The following DGKB variants were observed in gnomAD, a reference collection of about 807,000 sequenced individuals.
DGKB encodes the protein diacylglycerol kinase beta, also known as 90 kDa diacylglycerol kinase.
DGKB carries 67 observed loss-of-function variants against 114.3 expected under a neutral mutation model. That is an observed-to-expected ratio of 0.59 (90% CI 0.48 to 0.72). The LOEUF is 0.72. DGKB is among the 30% of genes least tolerant of loss of function. The pLI is 0.00. For missense variants in DGKB, 907 were observed against 975.2 expected (o/e 0.93, Z 0.93); for synonymous variants, 398 against 323.1 (o/e 1.23, Z -2.49).
At position 14,854,756 on chromosome 7, in the gene DGKB, A is replaced by C. The variant is rs565630831; in HGVS notation, c.-187-13306T>G. 2.0e-3 allele frequency among the ~76,000 whole-genome samples: 301 copies of C among 152,302 alleles called. 2 individuals are homozygous for C. In the South Asian group the frequency reaches 0.023, roughly 12 times the overall value. On this transcript the variant is annotated intron_variant, in intron 1 of 25. Coordinates refer to ENST00000402815, the MANE Select transcript of DGKB (RefSeq NM_001350709.2). ...CCCTGTAGTAGATGACTGAACTGAA[A>C]GAGGGGTTGTTAGTACGAGCTATGA... is the stretch of plus-strand genomic sequence containing the variant.
intron 23 of DGKB, among the ~76,000 whole-genome samples, chr7:14,185,313 G>T (rs1783240950): frequency 6.6e-6 from 1 of 151,970 alleles, no homozygotes; most frequent in African/African-American, 2.4e-5. Context: ...TAACCAAGGA[G>T]TCGAAAGACC....
chr7:14,730,792 T>C (rs1032790000), intron 5 of DGKB, among the ~76,000 whole-genome samples: 24 of 152,296 alleles, frequency 1.6e-4, no homozygotes, highest in Non-Finnish European at 2.9e-5. Context: ...CCAGCACCCA[T>C]GCCCTTCACT....
intron 1 of DGKB, among the ~76,000 whole-genome samples, chr7:14,965,614 A>C (rs73679599): frequency 0.019 from 2,916 of 152,206 alleles, 93 homozygotes; most frequent in African/African-American, 0.066. Flanking sequence ...TACTAATCTC[A>C]TATACATTCA....
Position 14,591,288 on chromosome 7 carries a change from T to C in DGKB, c.1434-8151A>G, listed in dbSNP as rs941778301. On this transcript the variant is annotated intron_variant, in intron 17 of 25. Transcript: ENST00000402815. Reference sequence around the variant, plus strand: ...CTTTTTACCTATCAGTTCCACAGTGTTCCATGTGAAGAATGAATAAGCATG... The same window carrying C: ...CTTTTTACCTATCAGTTCCACAGTGCTCCATGTGAAGAATGAATAAGCATG... Among the ~76,000 whole-genome samples, 10 of 152,184 alleles carry C rather than the reference T, an allele frequency of 6.6e-5. 1 individual carries two copies. Among genetic ancestry groups the C allele is most frequent in the Non-Finnish European group, 1.5e-5 (1 of 68,032 alleles).
chr7:14,771,948 C>A (rs1837482566), intron 2 of DGKB, among the ~76,000 whole-genome samples: 1 of 152,140 alleles, frequency 6.6e-6, no homozygotes, highest in African/African-American at 2.4e-5. Context: ...CTCCACAATT[C>A]TTTATCTTAA....
At chr7:14,768,477 A>T (rs894171089) in intron 2 of DGKB, among the ~76,000 whole-genome samples, 2 of 151,960 alleles carry the variant, frequency 1.3e-5, no homozygotes, top group East Asian at 3.9e-4. Flanking sequence ...TACTTACTAG[A>T]ACTTGCAGCC....
chr7:14,383,962 G>A (rs756184825), intron 21 of DGKB, among the ~76,000 whole-genome samples: 1 of 152,156 alleles, frequency 6.6e-6, no homozygotes, highest in Non-Finnish European at 1.5e-5. Context: ...CATGTAGTGT[G>A]CTTATGAGGA....
intron 19 of DGKB, among the ~76,000 whole-genome samples, chr7:14,577,889 C>A (rs1380897416): frequency 1.3e-5 from 2 of 152,164 alleles, no homozygotes; most frequent in African/African-American, 2.4e-5. Context: ...GAAGTACTTT[C>A]TTCTACAAAT....
At chr7:14,911,911 A>C (rs911565331) in intron 1 of DGKB, among the ~76,000 whole-genome samples, 2 of 152,234 alleles carry the variant, frequency 1.3e-5, no homozygotes, top group African/African-American at 4.8e-5. Flanking sequence ...TCAATAAAAC[A>C]GTATGCAGAT....
At chr7:14,810,314 C>A (rs1209233699) in intron 2 of DGKB, among the ~76,000 whole-genome samples, 1 of 152,108 alleles carries the variant, frequency 6.6e-6, no homozygotes, top group Non-Finnish European at 1.5e-5. Flanking sequence ...TTAATCTATA[C>A]CCAGACTGAT....
intron 23 of DGKB, among the ~76,000 whole-genome samples, chr7:14,265,692 T>C (rs527302224): frequency 2.0e-5 from 3 of 152,288 alleles, no homozygotes; most frequent in East Asian, 1.9e-4. Flanking sequence ...TCTCAGAATA[T>C]TGAAGGCAAG....
At chr7:14,601,307 A>C (rs1349051278) in intron 17 of DGKB, among the ~76,000 whole-genome samples, 1 of 151,946 alleles carries the variant, frequency 6.6e-6, no homozygotes, top group Non-Finnish European at 1.5e-5. Flanking sequence ...CCCTCTTTGA[A>C]GTCTTTCTGT....
At chr7:14,197,435 G>C (rs1349885898) in intron 23 of DGKB, among the ~76,000 whole-genome samples, 1 of 151,260 alleles carries the variant, frequency 6.6e-6, no homozygotes, top group Non-Finnish European at 1.5e-5. Context: ...TATCAAATTT[G>C]ATTGCTGCAG....
At chr7:14,421,647 A>G (rs17168162) in intron 21 of DGKB, among the ~76,000 whole-genome samples, 2,939 of 152,220 alleles carry the variant, frequency 0.019, 80 homozygotes, top group African/African-American at 0.067. Flanking sequence ...CATTTCACTC[A>G]GTCTCAAAAT....
At chr7:14,530,429 G>C (rs1054726511) in intron 20 of DGKB, among the ~76,000 whole-genome samples, 4 of 151,350 alleles carry the variant, frequency 2.6e-5, no homozygotes, top group African/African-American at 7.3e-5. Flanking sequence ...ACCCTGTATG[G>C]AAGTATGATT....
At chr7:14,791,702 A>C (rs1471216331) in intron 2 of DGKB, among the ~76,000 whole-genome samples, 1 of 152,148 alleles carries the variant, frequency 6.6e-6, no homozygotes. Flanking sequence ...TTTTATTTTC[A>C]TCCCATTAAT....
chr7:14,962,493 C>A (rs1298804224), intron 1 of DGKB, among the ~76,000 whole-genome samples: 3 of 152,212 alleles, frequency 2.0e-5, no homozygotes, highest in East Asian at 3.9e-4. Context: ...AGACGCTTTT[C>A]ATCATGATCC....
intron 23 of DGKB, among the ~76,000 whole-genome samples, chr7:14,290,500 A>G (rs1156759732): frequency 6.6e-6 from 1 of 152,136 alleles, no homozygotes; most frequent in East Asian, 1.9e-4. Context: ...GCTCACGTCC[A>G]TCAAAGCTGA....
At chr7:14,668,466 CCATGTACTATT>C (rs1818422973) in intron 13 of DGKB, among the ~76,000 whole-genome samples, 2 of 152,062 alleles carry the variant, frequency 1.3e-5, no homozygotes, top group South Asian at 4.2e-4. Context: ...TTCTAAATTG[CCATGTACTATT>C]CATGGGACAC....
Sources: gnomAD v4.1 joint callset for allele counts (sites outside exome capture counted in the v4.1 genomes callset) on GRCh38, gnomAD v4.1.1 for gene constraint, MANE v1.5 for transcripts, NCBI Gene and HGNC (gene_info 2026-07-23, HGNC 2026-07-21) for gene names.